The following GPR39 variants were observed in gnomAD, a reference collection of about 807,000 sequenced individuals.
GPR39 encodes the protein zinc sensing receptor.
GPR39 carries 23 observed loss-of-function variants against 18.4 expected under a neutral mutation model. The ratio of observed to expected loss-of-function variants is 1.25; its 90% CI spans 0.90 to 1.77. GPR39 has a LOEUF of 1.77. Ranked by LOEUF, GPR39 falls within the 40% of genes most tolerant of loss-of-function variation. The pLI is 0.00. For missense variants in GPR39, 647 were observed against 602.4 expected, an observed-to-expected ratio of 1.07 and a Z score of -0.78; for synonymous variants, 280 against 257.9, an observed-to-expected ratio of 1.09 and a Z score of -0.82.
In GPR39 at chr2:132,633,142, A is replaced by G. The variant is rs149958543; in HGVS notation, c.857-11959A>G. Among the ~76,000 whole-genome samples, 197 of 152,308 alleles carry G rather than the reference A, an allele frequency of 1.3e-3. 2 individuals are homozygous for G. Among genetic ancestry groups the G allele is most frequent in the African/African-American group, 4.3e-3 (178 of 41,568 alleles). ...ATTAACCAGATGACCAGGCAGTTCT[A>G]GAGCATCCCTGCCCCTTGTCATTTC... is the stretch of plus-strand genomic sequence containing the variant. On this transcript the variant is annotated intron_variant, in intron 1 of 1. Coordinates refer to ENST00000329321, the MANE Select transcript of GPR39 (RefSeq NM_001508.3).
At chr2:132,501,267 G>C (rs890107211) in intron 1 of GPR39, among the ~76,000 whole-genome samples, 1 of 151,582 alleles carries the variant, frequency 6.6e-6, no homozygotes, top group Non-Finnish European at 1.5e-5. Flanking sequence ...CTGTATTCCA[G>C]AGGTTTTGTC....
intron 1 of GPR39, among the ~76,000 whole-genome samples, chr2:132,518,741 A>G (rs1679375475): frequency 6.6e-6 from 1 of 152,254 alleles, no homozygotes; most frequent in Non-Finnish European, 1.5e-5. Flanking sequence ...ATTAACTTTA[A>G]TATATTTTAT....
intron 1 of GPR39, among the ~76,000 whole-genome samples, chr2:132,643,581 G>A (rs565060044): frequency 2.6e-5 from 4 of 152,262 alleles, no homozygotes; most frequent in Non-Finnish European, 4.4e-5. Flanking sequence ...TGGCACATTC[G>A]TGTCTCACTG....
chr2:132,633,382 GTT>G (rs1491119382), intron 1 of GPR39, among the ~76,000 whole-genome samples: 1 of 146,022 alleles, frequency 6.8e-6, no homozygotes, highest in Non-Finnish European at 1.5e-5. Context: ...GTGTGTGTGT[GTT>G]GTAGGAGTTA....
At chr2:132,545,232 G>A (rs571289247) in intron 1 of GPR39, among the ~76,000 whole-genome samples, 55 of 152,276 alleles carry the variant, frequency 3.6e-4, no homozygotes, top group Admixed American at 1.3e-3. Context: ...CCCTAACTTT[G>A]GACTGCTCTA....
chr2:132,564,516 C>T lies in GPR39; in HGVS notation c.857-80585C>T, dbSNP rs1011335797. Among the ~76,000 whole-genome samples, 5 of 152,146 alleles carry T rather than the reference C, an allele frequency of 3.3e-5. No homozygotes were observed. The East Asian group carries it at 9.6e-4, about 29-fold the overall frequency. ...GTCCAACCTGAGTTGGCGCACTGCC[C>T]CGAGTAGGTAAGGAGGAGAGGACAT... On this transcript the variant is annotated intron_variant, in intron 1 of 1. Transcript: ENST00000329321.
chr2:132,500,366 T>C (rs928901152), intron 1 of GPR39, among the ~76,000 whole-genome samples: 6 of 152,224 alleles, frequency 3.9e-5, no homozygotes, highest in Non-Finnish European at 8.8e-5. Context: ...ATTCTGTTTA[T>C]GTGGTGTATC....
At chr2:132,458,064 A>G (rs1488044765) in intron 1 of GPR39, among the ~76,000 whole-genome samples, 2 of 152,154 alleles carry the variant, frequency 1.3e-5, no homozygotes, top group African/African-American at 4.8e-5. Flanking sequence ...GGAAAGGGAA[A>G]TCTCCTGACC....
At position 132,417,804 on chromosome 2, in the gene GPR39, G is replaced by A. The variant is rs1455220731; in HGVS notation, c.762G>A (p.Lys254=). 1 of 1,614,110 alleles carries A rather than the reference G, an allele frequency of 6.2e-7. No individual in the cohort carries two copies. Among genetic ancestry groups the A allele is most frequent in the Admixed American group, 1.7e-5 (1 of 60,030 alleles). ...NMMQVLMKSQ[K]GSLAGGTRPP... ...TGCAGGTGCTCATGAAAAGCCAGAA[G>A]GGCTCGCTGGCCGGGGGCACGCGGC... is the stretch of plus-strand genomic sequence containing the variant. The change falls in exon 1 of 2, where the codon AAG becomes AAA. Residue 254 remains lysine, a synonymous_variant. Transcript: ENST00000329321.
intron 1 of GPR39, among the ~76,000 whole-genome samples, chr2:132,644,539 G>C (rs1012448836): frequency 2.0e-4 from 31 of 152,210 alleles, no homozygotes; most frequent in Non-Finnish European, 3.5e-4. Flanking sequence ...CATTCTTGGC[G>C]ACAGGCTATT....
intron 1 of GPR39, among the ~76,000 whole-genome samples, chr2:132,605,324 TC>T (rs1424343078): frequency 9.2e-5 from 14 of 152,042 alleles, no homozygotes. Flanking sequence ...TGAGTAGACA[TC>T]CCAGGCATGG....
Position 132,646,033 on chromosome 2 carries a change from T to G in GPR39, c.*427T>G. ...AAGAACAATGCAGGAGGGGGTGGCA[T>G]CTCCTTCAGCTTCAGCAGTGTGCCG... On this transcript the variant is annotated 3_prime_UTR_variant, in exon 2 of 2. Transcript: ENST00000329321. 6.6e-7 allele frequency: 1 copy of G among 1,520,154 alleles called. No homozygotes were observed. The highest frequency in any genetic ancestry group is 8.9e-7 in the Non-Finnish European group (1 of 1,129,624). The allele number at this position is 1,520,154 out of a possible 1,614,324, so 94.2% of individuals were successfully genotyped here. A position where few individuals can be genotyped will look rare whatever the true frequency, so the allele number is the denominator to read the frequency against.
intron 1 of GPR39, among the ~76,000 whole-genome samples, chr2:132,551,292 A>G (rs1035335343): frequency 2.0e-5 from 3 of 151,522 alleles, no homozygotes; most frequent in Non-Finnish European, 1.5e-5. Flanking sequence ...GGAAAAAAAA[A>G]CTTTCCCAGA....
intron 1 of GPR39, among the ~76,000 whole-genome samples, chr2:132,479,825 G>A (rs953298316): frequency 2.0e-5 from 3 of 151,506 alleles, no homozygotes; most frequent in Non-Finnish European, 4.4e-5. Context: ...TAAAATTACT[G>A]TATTATCTAG....
chr2:132,543,333 G>A (rs879299560), intron 1 of GPR39, among the ~76,000 whole-genome samples: 29 of 152,182 alleles, frequency 1.9e-4, no homozygotes, highest in African/African-American at 6.5e-4. Flanking sequence ...TTCCCTTACC[G>A]TGTATGTGTT....
At chr2:132,505,238 ATCT>A (rs1432314352) in intron 1 of GPR39, among the ~76,000 whole-genome samples, 3 of 152,148 alleles carry the variant, frequency 2.0e-5, no homozygotes, top group African/African-American at 4.8e-5. Context: ...TTCTCTCTTC[ATCT>A]TCTTTTTTTC....
At chr2:132,517,694 A>G (rs993669563) in intron 1 of GPR39, among the ~76,000 whole-genome samples, 3 of 152,226 alleles carry the variant, frequency 2.0e-5, no homozygotes, top group Non-Finnish European at 4.4e-5. Context: ...GTTTTTACCT[A>G]TACAAAGTAT....
intron 1 of GPR39, among the ~76,000 whole-genome samples, chr2:132,609,015 G>T (rs762469649): frequency 3.3e-5 from 5 of 152,186 alleles, no homozygotes; most frequent in Non-Finnish European, 5.9e-5. Context: ...TGGGGAGGGG[G>T]TGCTGTTGTT....
intron 1 of GPR39, among the ~76,000 whole-genome samples, chr2:132,612,834 A>C (rs533349958): frequency 1.1e-3 from 160 of 152,312 alleles, no homozygotes; most frequent in Middle Eastern, 6.8e-3. Context: ...TTAGAATCGG[A>C]GTGTAAATGT....
Sources: gnomAD v4.1 joint callset for allele counts (sites outside exome capture counted in the v4.1 genomes callset) on GRCh38, gnomAD v4.1.1 for gene constraint, MANE v1.5 for transcripts, NCBI Gene and HGNC (gene_info 2026-07-23, HGNC 2026-07-21) for gene names.